PAK3: variants seen among roughly 807,000 people sequenced by gnomAD.
PAK3 encodes the protein p21 (RAC1) activated kinase 3.
A neutral mutation model predicts 41.0 loss-of-function variants in PAK3; 4 were observed. The observed-to-expected ratio is 0.10, with a 90% CI of 0.05 to 0.22. PAK3 has a LOEUF of 0.22. Ranked by LOEUF, PAK3 falls within the 10% of genes least tolerant of loss-of-function variation. PAK3 has a pLI of 1.00. For synonymous variants in PAK3, 146 were observed against 139.6 expected (o/e 1.05, Z -0.32); for missense variants, 205 against 409.9 (o/e 0.50, Z 4.32).
intron 10 of PAK3, among the ~76,000 whole-genome samples, chrX:111,168,972 AT>A (rs2094300071): frequency 8.9e-6 from 1 of 112,042 alleles, no homozygotes; most frequent in Non-Finnish European, 1.9e-5. Flanking sequence ...AAGTTGAAAA[AT>A]AAAAGACCAA....
chrX:111,143,786 T>A lies in PAK3; in HGVS notation c.276+1590T>A, dbSNP rs183049836. ...AAAATTTTGCCTAATAACTCTTCCCTTTTTTATTAATTTTTCCAGCTTTGA... is the reference window on the plus strand; with the variant it reads ...AAAATTTTGCCTAATAACTCTTCCCATTTTTATTAATTTTTCCAGCTTTGA... On this transcript the variant is annotated intron_variant, in intron 6 of 17. Transcript: ENST00000372007. Among the ~76,000 whole-genome samples the A allele has an allele frequency of 7.1e-5, 8 of 112,260 alleles. No homozygotes were observed. The East Asian group carries it at 2.2e-3, about 31-fold the overall frequency.
chrX:111,134,389 T>C (rs1055312946), intron 5 of PAK3, among the ~76,000 whole-genome samples: 1 of 112,495 alleles, frequency 8.9e-6, no homozygotes, highest in Non-Finnish European at 1.9e-5. Context: ...TCTTCTCCTC[T>C]TCTATGAACA....
At chrX:111,139,670 G>A (rs1468096013) in intron 5 of PAK3, among the ~76,000 whole-genome samples, 1 of 112,059 alleles carries the variant, frequency 8.9e-6, no homozygotes, top group Non-Finnish European at 1.9e-5. Flanking sequence ...GCAGTCTGGT[G>A]GCCTTCTAGG....
chrX:111,018,143 A>G (rs1205705435), intron 1 of PAK3, among the ~76,000 whole-genome samples: 1 of 111,937 alleles, frequency 8.9e-6, no homozygotes, highest in Admixed American at 9.5e-5. Flanking sequence ...GCTTAATGGT[A>G]AAAGACTGAA....
intron 13 of PAK3, among the ~76,000 whole-genome samples, chrX:111,193,796 AC>A (rs1194238143): frequency 1.3e-4 from 15 of 112,108 alleles, no homozygotes; most frequent in Admixed American, 5.7e-4. Flanking sequence ...AACAAAAAAA[AC>A]AATGCATTTG....
At chrX:111,188,510 G>A (rs1022447859) in intron 11 of PAK3, among the ~76,000 whole-genome samples, 3 of 111,619 alleles carry the variant, frequency 2.7e-5, no homozygotes, top group Non-Finnish European at 3.8e-5. Flanking sequence ...ACTTCCCTAG[G>A]GGGGGAGAAA....
intron 1 of PAK3, among the ~76,000 whole-genome samples, chrX:111,070,861 A>G (rs2092738111): frequency 8.9e-6 from 1 of 111,956 alleles, no homozygotes; most frequent in Admixed American, 9.4e-5. Flanking sequence ...CTTTGAGCTC[A>G]TGATGCTCTC....
At chrX:111,136,004 TA>T (rs2093783852) in intron 5 of PAK3, among the ~76,000 whole-genome samples, 1 of 110,856 alleles carries the variant, frequency 9.0e-6, no homozygotes. Context: ...TCACTTTAGG[TA>T]GAAGGTGGCA....
At chrX:111,048,021 C>A (rs777984249) in intron 1 of PAK3, among the ~76,000 whole-genome samples, 1 of 111,780 alleles carries the variant, frequency 8.9e-6, no homozygotes, top group South Asian at 3.8e-4. Context: ...TCCACTTCCT[C>A]GCTTATCAAT....
chrX:111,168,924 A>G (rs2094299017), intron 10 of PAK3, among the ~76,000 whole-genome samples: 1 of 111,778 alleles, frequency 8.9e-6, no homozygotes, highest in Non-Finnish European at 1.9e-5. Context: ...GCTAATTTGA[A>G]TAAGGATGGC....
In PAK3 at chrX:111,194,284, T is replaced by G. The variant is rs757010395; in HGVS notation, c.993-17T>G. The stretch of plus-strand genomic sequence containing the variant: ...TTTTAGCGTCATAAGGCAAAGTCTT[T>G]TCTTTTCTTGTTATAGCTACTTGGT... On this transcript the variant is annotated splice_polypyrimidine_tract_variant and intron_variant, in intron 13 of 17. Transcript: ENST00000372007. 2 of 1,007,812 alleles carry G rather than the reference T, an allele frequency of 2.0e-6. No homozygotes were observed. Among genetic ancestry groups the G allele is most frequent in the East Asian group, 3.0e-5 (1 of 32,810 alleles). 83.1% of individuals were successfully genotyped at this position (1,007,812 alleles called of 1,213,427 possible). A position where few individuals can be genotyped will look rare whatever the true frequency, so the allele number is the denominator to read the frequency against.
At chrX:111,115,966 A>G (rs2093457156) in intron 4 of PAK3, among the ~76,000 whole-genome samples, 1 of 111,455 alleles carries the variant, frequency 9.0e-6, no homozygotes, top group Admixed American at 9.5e-5. Context: ...GTATGCAAAA[A>G]TCTCTAGGAA....
intron 9 of PAK3, 127 bp downstream of exon 9, chrX:111,163,173 A>G (rs1323794973): frequency 1.5e-6 from 1 of 679,975 alleles, no homozygotes; most frequent in African/African-American, 2.2e-5. Flanking sequence ...TAAAGTATAA[A>G]ATATGACCAA....
At chrX:111,103,611 C>T (rs762289014) in intron 4 of PAK3, among the ~76,000 whole-genome samples, 10 of 112,223 alleles carry the variant, frequency 8.9e-5, no homozygotes, top group Non-Finnish European at 1.9e-4. Flanking sequence ...TTCAGTATAA[C>T]ACAGACATGC....
intron 1 of PAK3, among the ~76,000 whole-genome samples, chrX:110,968,739 T>A (rs1034095734): frequency 6.3e-5 from 7 of 111,875 alleles, no homozygotes. Context: ...CTTTGTTAGA[T>A]GCATGATTTG....
Position 110,972,868 on chromosome X carries a change from A to G in PAK3, c.-28+28240A>G, listed in dbSNP as rs186068549. Among the ~76,000 whole-genome samples the G allele has an allele frequency of 2.3e-3, 254 of 111,732 alleles. 1 individual carries two copies. The highest frequency in any genetic ancestry group is 7.9e-3 in the African/African-American group (242 of 30,744). ...AATAAACAGTGTAGAGAAGACCTCA[A>G]AGGACCTGATGGAGCTGAAAATCAT... On this transcript the variant is annotated intron_variant, in intron 1 of 14. Coordinates refer to the PAK3 transcript ENST00000425146.
At chrX:110,976,746 T>C (rs1416653551) in intron 1 of PAK3, among the ~76,000 whole-genome samples, 1 of 111,927 alleles carries the variant, frequency 8.9e-6, no homozygotes, top group African/African-American at 3.3e-5. Flanking sequence ...TAAGAAAATG[T>C]GACACATATA....
intron 1 of PAK3, among the ~76,000 whole-genome samples, chrX:111,090,570 G>C (rs928215182): frequency 9.0e-6 from 1 of 111,423 alleles, no homozygotes; most frequent in Non-Finnish European, 1.9e-5. Flanking sequence ...GGGCACTTCT[G>C]TTCCTGACAA....
intron 6 of PAK3, among the ~76,000 whole-genome samples, chrX:111,143,399 G>C (rs1757975188): frequency 9.0e-6 from 1 of 111,267 alleles, no homozygotes; most frequent in African/African-American, 3.3e-5. Flanking sequence ...TAAACACCTT[G>C]GCCTCATAAA....
Sources: gnomAD v4.1 joint callset for allele counts (sites outside exome capture counted in the v4.1 genomes callset) on GRCh38, gnomAD v4.1.1 for gene constraint, MANE v1.5 for transcripts, NCBI Gene and HGNC (gene_info 2026-07-23, HGNC 2026-07-21) for gene names.